The following DIP2B variants were observed in gnomAD, a reference collection of about 807,000 sequenced individuals.
DIP2B encodes the protein DIP2 acetate--CoA ligase B (putative).
DIP2B carries 76 observed loss-of-function variants against 198.0 expected under a neutral mutation model. The observed-to-expected ratio is 0.38, with a 90% CI of 0.32 to 0.46. DIP2B has a LOEUF of 0.46. Among genes scored for constraint, DIP2B ranks in the 20% least tolerant of loss-of-function variants. The pLI is 0.99. For missense variants in DIP2B, 1,559 were observed against 1,978.4 expected, an observed-to-expected ratio of 0.79 and a Z score of 4.02; for synonymous variants, 701 against 739.1, an observed-to-expected ratio of 0.95 and a Z score of 0.84.
chr12:50,550,107 T>C (rs1426974208), intron 1 of DIP2B, among the ~76,000 whole-genome samples: 1 of 152,174 alleles, frequency 6.6e-6, no homozygotes, highest in Non-Finnish European at 1.5e-5. Context: ...GTTAGTGCCT[T>C]GTCCAGTGAA....
intron 22 of DIP2B, among the ~76,000 whole-genome samples, chr12:50,710,938 C>A (rs780991412): frequency 7.2e-5 from 11 of 152,178 alleles, no homozygotes; most frequent in Admixed American, 6.5e-5. Flanking sequence ...TCATACCAAT[C>A]ATATTTTCAG....
At chr12:50,576,812 C>A (rs1391793244) in intron 1 of DIP2B, among the ~76,000 whole-genome samples, 1 of 151,990 alleles carries the variant, frequency 6.6e-6, no homozygotes. Flanking sequence ...AGTTAGGCTG[C>A]ATCTTTTCTA....
Position 50,640,804 on chromosome 12 carries a change from T to A in DIP2B, c.253T>A (p.Tyr85Asn), listed in dbSNP as rs1266529293. Residue 85 changes from tyrosine (Y) to asparagine (N), a missense_variant, in exon 3 of 38, where the codon TAC becomes AAC. Physicochemically the swap from Tyr to Asn is moderately radical, Grantham distance 143 (BLOSUM62 -2). Transcript: ENST00000301180. ...AGCTCAAACTTCTGCTCCCTCTAAG[T>A]ACCACCGAACTCGATCTGGGGGAGC... ...SAAQTSAPSK[Y>N]HRTRSGGARD... The A allele has an allele frequency of 6.2e-7, 1 of 1,613,978 alleles. No homozygotes were observed. The highest frequency in any genetic ancestry group is 8.5e-7 in the Non-Finnish European group (1 of 1,179,898).
intron 3 of DIP2B, among the ~76,000 whole-genome samples, chr12:50,648,432 C>T (rs1022854846): frequency 3.9e-5 from 6 of 152,126 alleles, no homozygotes; most frequent in African/African-American, 1.4e-4. Context: ...GGCCCGATCT[C>T]GGCTCACTGC....
chr12:50,547,942 G>T (rs1476319558), intron 1 of DIP2B, among the ~76,000 whole-genome samples: 1 of 152,088 alleles, frequency 6.6e-6, no homozygotes, highest in Non-Finnish European at 1.5e-5. Flanking sequence ...GGTTGTGCAT[G>T]CCTGTAGTTC....
chr12:50,723,348 T>C (rs764313407), intron 27 of DIP2B, 25 bp downstream of exon 27: 2 of 1,611,910 alleles, frequency 1.2e-6, no homozygotes, highest in East Asian at 2.2e-5. Context: ...TATCTTGCCT[T>C]GTCCTCATCT....
intron 1 of DIP2B, among the ~76,000 whole-genome samples, chr12:50,602,220 C>T (rs1282607225): frequency 1.3e-5 from 2 of 152,156 alleles, no homozygotes; most frequent in Non-Finnish European, 1.5e-5. Flanking sequence ...ACCAAAGATA[C>T]TTATGTATAA....
intron 3 of DIP2B, among the ~76,000 whole-genome samples, chr12:50,643,837 T>C (rs761025769): frequency 6.6e-6 from 1 of 152,282 alleles, no homozygotes; most frequent in South Asian, 2.1e-4. Flanking sequence ...TGGAGGTTGA[T>C]GGGAGCTGAC....
chr12:50,640,615 A>G lies in DIP2B; in HGVS notation c.173-109A>G, dbSNP rs1471737351. 4.3e-6 allele frequency: 5 copies of G among 1,173,232 alleles called. No individual in the cohort carries two copies. In the African/African-American group the frequency reaches 4.7e-5, roughly 11 times the overall value. The allele number at this position is 1,173,232 out of a possible 1,614,324, so 72.7% of individuals were successfully genotyped here. On this transcript the variant is annotated intron_variant, in intron 2 of 37. Transcript: ENST00000301180. Reference sequence around the variant, plus strand: ...TTGAAACTCTAACCCTTTACTGTAGATGGGGTAATAGTACCTAGCTCAGAG... The same window carrying G: ...TTGAAACTCTAACCCTTTACTGTAGGTGGGGTAATAGTACCTAGCTCAGAG...
intron 27 of DIP2B, 87 bp downstream of exon 27, chr12:50,723,410 G>A: frequency 1.3e-6 from 2 of 1,559,864 alleles, no homozygotes; most frequent in Non-Finnish European, 1.7e-6. Flanking sequence ...TTCCAATTTT[G>A]TTAAGTCAGG....
intron 1 of DIP2B, among the ~76,000 whole-genome samples, chr12:50,588,002 T>G (rs4768853): frequency 0.27 from 41,288 of 152,072 alleles, 5,957 homozygotes; most frequent in East Asian, 0.39. Context: ...TAGGATTTGT[T>G]TTGGTATCTA....
intron 1 of DIP2B, among the ~76,000 whole-genome samples, chr12:50,620,033 G>GT (rs1171874381): frequency 2.0e-5 from 3 of 152,232 alleles, no homozygotes; most frequent in African/African-American, 7.2e-5. Flanking sequence ...GGGTGACAGA[G>GT]TGAGACCCTG....
chr12:50,586,928 A>G (rs188721227), intron 1 of DIP2B, among the ~76,000 whole-genome samples: 1 of 152,314 alleles, frequency 6.6e-6, no homozygotes, highest in Admixed American at 6.5e-5. Flanking sequence ...ATTTGCCCAT[A>G]TGAAAACATG....
intron 3 of DIP2B, among the ~76,000 whole-genome samples, chr12:50,642,553 A>C (rs1938274803): frequency 6.6e-6 from 1 of 152,314 alleles, no homozygotes; most frequent in South Asian, 2.1e-4. Flanking sequence ...TGGGAGGCCA[A>C]GGTAGGTGGA....
At chr12:50,688,774 G>A (rs554306351) in intron 12 of DIP2B, among the ~76,000 whole-genome samples, 2 of 152,262 alleles carry the variant, frequency 1.3e-5, no homozygotes, top group East Asian at 3.9e-4. Context: ...CTCCAGTCCT[G>A]GCTTCTTGGA....
At chr12:50,532,926 C>A (rs1958231294) in intron 1 of DIP2B, among the ~76,000 whole-genome samples, 1 of 152,200 alleles carries the variant, frequency 6.6e-6, no homozygotes, top group Admixed American at 6.6e-5. Flanking sequence ...GTTAGTGACT[C>A]CTCTGGCCCT....
At chr12:50,579,031 G>A (rs1958689932) in intron 1 of DIP2B, among the ~76,000 whole-genome samples, 1 of 152,148 alleles carries the variant, frequency 6.6e-6, no homozygotes, top group Non-Finnish European at 1.5e-5. Context: ...AAAAGATATT[G>A]ATTTTAGTAC....
At chr12:50,666,494 T>A (rs1037071395) in intron 4 of DIP2B, among the ~76,000 whole-genome samples, 3 of 152,134 alleles carry the variant, frequency 2.0e-5, no homozygotes, top group African/African-American at 7.2e-5. Flanking sequence ...ACCAGCTTTT[T>A]AAAAAATGTA....
At chr12:50,719,253 G>C (rs949407191) in intron 25 of DIP2B, among the ~76,000 whole-genome samples, 40 of 152,094 alleles carry the variant, frequency 2.6e-4, no homozygotes, top group Admixed American at 5.2e-4. Flanking sequence ...CTTTTCTTAT[G>C]GTACAATCAC....
Sources: gnomAD v4.1 joint callset for allele counts (sites outside exome capture counted in the v4.1 genomes callset) on GRCh38, gnomAD v4.1.1 for gene constraint, MANE v1.5 for transcripts, NCBI Gene and HGNC (gene_info 2026-07-23, HGNC 2026-07-21) for gene names.